PRSS23: variants seen among roughly 807,000 people sequenced by gnomAD.
The protein encoded by PRSS23 is protease, serine 23.
In PRSS23, 25 loss-of-function variants were observed where a neutral mutation model predicts 34.7. The observed-to-expected ratio is 0.72, with a 90% CI of 0.53 to 1.01. PRSS23 has a LOEUF of 1.01. Ranked by LOEUF, PRSS23 falls within the 50% of genes least tolerant of loss-of-function variation. PRSS23 has a pLI of 0.00. For missense variants in PRSS23, 445 were observed against 475.6 expected (o/e 0.94, Z 0.60); for synonymous variants, 176 against 186.6 (o/e 0.94, Z 0.46).
chr11:86,892,317 C>G (rs183245584), intron 2 of PRSS23: 2 of 152,426 alleles, frequency 1.3e-5, no homozygotes, highest in East Asian at 3.8e-4. Context: ...TTTTCTCTCT[C>G]TGCCATCTTT....
intron 2 of PRSS23, among the ~76,000 whole-genome samples, chr11:86,868,069 A>G (rs1948662246): frequency 9.3e-6 from 1 of 107,032 alleles, no homozygotes; most frequent in African/African-American, 3.8e-5. Context: ...GCCAAGGAGG[A>G]AAAAAAAGTG....
At chr11:86,881,771 TA>T (rs1432340570) in intron 2 of PRSS23, among the ~76,000 whole-genome samples, 4 of 152,230 alleles carry the variant, frequency 2.6e-5, no homozygotes, top group African/African-American at 9.6e-5. Flanking sequence ...TCAATCTCCT[TA>T]TTTGTTATAG....
rs549737352 is a variant in PRSS23 at position 86,871,943 on chromosome 11, C to T, written c.206+48350C>T. On this transcript the variant is annotated intron_variant, in intron 2 of 2. Coordinates refer to the PRSS23 transcript ENST00000533902. ...ATATATGTGTGACTGTATTTGTGTG[C>T]ACACATAGGTTGGTAAACATCTATG... 4.6e-5 allele frequency among the ~76,000 whole-genome samples: 7 copies of T among 152,334 alleles called. No homozygotes were observed. In the South Asian group the frequency reaches 6.2e-4, roughly 14 times the overall value.
rs368448756 is a variant in PRSS23, at chr11:86,911,577, G to A, written c.207-39639G>A. 1.4e-4 allele frequency: 21 copies of A among 152,040 alleles called. No individual in the cohort carries two copies. The East Asian group carries it at 2.5e-3, about 18-fold the overall frequency. The allele number at this position is 152,040 out of a possible 1,614,324, so 9.4% of individuals were successfully genotyped here. On this transcript the variant is annotated intron_variant, in intron 2 of 2. Coordinates refer to the PRSS23 transcript ENST00000533902. Reference sequence around the variant, plus strand: ...CTTATAATTGAGAACATGCAGTATCGGATTTTGTTTGTGAGTTATTTCACT... The same window carrying A: ...CTTATAATTGAGAACATGCAGTATCAGATTTTGTTTGTGAGTTATTTCACT...
intron 2 of PRSS23, among the ~76,000 whole-genome samples, chr11:86,942,414 C>T (rs574957241): frequency 6.8e-4 from 103 of 152,272 alleles, no homozygotes; most frequent in African/African-American, 2.5e-3. Flanking sequence ...CACCCATTTA[C>T]CTCATATCAA....
At chr11:86,868,201 A>G (rs1166491218) in intron 2 of PRSS23, among the ~76,000 whole-genome samples, 2 of 152,206 alleles carry the variant, frequency 1.3e-5, no homozygotes, top group Non-Finnish European at 2.9e-5. Flanking sequence ...TGAAGGACAA[A>G]GGCTGAGCAC....
intron 2 of PRSS23, among the ~76,000 whole-genome samples, chr11:86,843,483 C>T (rs1054261752): frequency 6.6e-6 from 1 of 152,132 alleles, no homozygotes; most frequent in Non-Finnish European, 1.5e-5. Flanking sequence ...AGTGAACAGG[C>T]AACCTACAGA....
rs143008941 is a variant in PRSS23, at chr11:86,942,065, C to T, written c.207-9151C>T. On this transcript the variant is annotated intron_variant, in intron 2 of 2. Coordinates refer to the PRSS23 transcript ENST00000533902. The stretch of plus-strand genomic sequence containing the variant: ...AACTTTAGGTGCTCAAAGTCATGCT[C>T]AGGGAGCTCAGTTTAGTAAGAAATG... 6.0e-4 allele frequency among the ~76,000 whole-genome samples: 92 copies of T among 152,294 alleles called. 1 individual carries two copies. In the East Asian group the frequency reaches 0.013, roughly 21 times the overall value.
At chr11:86,829,801 G>A (rs944322806) in intron 2 of PRSS23, among the ~76,000 whole-genome samples, 7 of 150,846 alleles carry the variant, frequency 4.6e-5, no homozygotes, top group African/African-American at 1.7e-4. Flanking sequence ...TGCAGAACAG[G>A]GGATTTTCGT....
At chr11:86,880,285 A>G (rs975945469) in intron 2 of PRSS23, among the ~76,000 whole-genome samples, 1 of 150,132 alleles carries the variant, frequency 6.7e-6, no homozygotes, top group African/African-American at 2.5e-5. Context: ...CCTAATCTCA[A>G]GTACCCAGGG....
At chr11:86,823,933 G>A (rs1431199912) in intron 2 of PRSS23, among the ~76,000 whole-genome samples, 1 of 137,916 alleles carries the variant, frequency 7.3e-6, no homozygotes, top group Admixed American at 7.1e-5. Flanking sequence ...GTGAACCCGG[G>A]AGGTGGAGCT....
rs542437601 is a variant in PRSS23, at chr11:86,856,826, G to A, written c.206+33233G>A. Among the ~76,000 whole-genome samples the A allele has an allele frequency of 2.0e-5, 3 of 152,240 alleles. No homozygotes were observed. The South Asian group carries it at 6.2e-4, about 32-fold the overall frequency. ...CAGGGTTATTGCTGAGAAACTAAAG[G>A]AGGCCGCCCAGATATAGAGGATTCA... On this transcript the variant is annotated intron_variant, in intron 2 of 2. Coordinates refer to the PRSS23 transcript ENST00000533902.
chr11:86,866,584 C>G (rs1267505147), intron 2 of PRSS23, among the ~76,000 whole-genome samples: 2 of 152,198 alleles, frequency 1.3e-5, no homozygotes, highest in Non-Finnish European at 2.9e-5. Context: ...GCATTAGACT[C>G]TGGGTATTTA....
At chr11:86,852,844 T>G (rs1016746766) in intron 2 of PRSS23, among the ~76,000 whole-genome samples, 2 of 152,032 alleles carry the variant, frequency 1.3e-5, no homozygotes, top group African/African-American at 4.8e-5. Context: ...AATCACACCA[T>G]GTTTTGTTTG....
chr11:86,808,031 A>C lies in PRSS23; in HGVS notation c.388A>C (p.Ile130Leu), dbSNP rs756760849. The C allele has an allele frequency of 2.5e-6, 4 of 1,614,002 alleles. No individual in the cohort carries two copies. The South Asian group carries it at 4.4e-5, about 18-fold the overall frequency. Residue 130 changes from isoleucine (I) to leucine (L), a missense_variant, in exon 2 of 2, where the codon ATT becomes CTT. Ile to Leu is a conservative substitution (Grantham distance 5, BLOSUM62 2). Transcript: ENST00000280258. ...AGGAAAGTCTCGAAGGAAGCGGCAGATTTATGGCTATGACAGCAGGTTCAG... is the reference window on the plus strand; with the variant it reads ...AGGAAAGTCTCGAAGGAAGCGGCAGCTTTATGGCTATGACAGCAGGTTCAG... ...SSGKSRRKRQ[I>L]YGYDSRFSIF...
intron 2 of PRSS23, among the ~76,000 whole-genome samples, chr11:86,903,092 C>T (rs1185934456): frequency 6.6e-6 from 1 of 152,084 alleles, no homozygotes; most frequent in Non-Finnish European, 1.5e-5. Flanking sequence ...CCATTTGATC[C>T]AGGTCTTGCA....
intron 2 of PRSS23, chr11:86,910,146 CAG>C (rs1948968180): frequency 1.3e-5 from 2 of 152,240 alleles, no homozygotes; most frequent in Admixed American, 1.3e-4. Context: ...ACAAATGAAA[CAG>C]TAATTAATAT....
At chr11:86,952,355 T>C in exon 3 of PRSS23, 1 of 1,614,202 alleles carries the variant, frequency 6.2e-7, no homozygotes, top group Non-Finnish European at 8.5e-7. Flanking sequence ...AAATCCAAAT[T>C]CCTTCAGGAC....
At chr11:86,897,955 C>T (rs183968587) in intron 2 of PRSS23, among the ~76,000 whole-genome samples, 7 of 152,326 alleles carry the variant, frequency 4.6e-5, no homozygotes, top group African/African-American at 1.7e-4. Flanking sequence ...CCTCAAGGAG[C>T]TCTCCCTGGA....
Sources: allele counts gnomAD v4.1 joint callset (sites outside exome capture counted in the v4.1 genomes callset), GRCh38; gene constraint gnomAD v4.1.1; transcripts MANE v1.5; gene names NCBI Gene and HGNC (gene_info 2026-07-23, HGNC 2026-07-21).